Variants in LRMDA observed in about 807,000 individuals in gnomAD.
LRMDA encodes leucine-rich melanocyte differentiation-associated protein.
In LRMDA, 18 loss-of-function variants were observed where a neutral mutation model predicts 29.8. That is an observed-to-expected ratio of 0.60 (90% CI 0.42 to 0.90). The LOEUF is 0.90. Ranked by LOEUF, LRMDA falls within the 40% of genes least tolerant of loss-of-function variation. LRMDA has a pLI of 0.00. For synonymous variants in LRMDA, 125 were observed against 109.4 expected (o/e 1.14, Z -0.89); for missense variants, 273 against 273.9 (o/e 1.00, Z 0.02).
intron 2 of LRMDA, among the ~76,000 whole-genome samples, chr10:75,496,786 T>A (rs1234697433): frequency 6.6e-6 from 1 of 152,186 alleles, no homozygotes; most frequent in Non-Finnish European, 1.5e-5. Context: ...CTGAGAATCT[T>A]AACAGAGCTA....
At chr10:76,180,282 T>A (rs1041874976) in intron 5 of LRMDA, among the ~76,000 whole-genome samples, 1 of 137,180 alleles carries the variant, frequency 7.3e-6, no homozygotes, top group Non-Finnish European at 1.6e-5. Context: ...AAAAACTTTT[T>A]TTTTTTTTTT....
chr10:75,713,578 T>G (rs1842463416), intron 2 of LRMDA, among the ~76,000 whole-genome samples: 1 of 152,216 alleles, frequency 6.6e-6, no homozygotes. Context: ...AAGAATTGTT[T>G]GAAAAATGAA....
intron 2 of LRMDA, among the ~76,000 whole-genome samples, chr10:76,002,788 C>T (rs1847583211): frequency 1.3e-5 from 2 of 151,978 alleles, no homozygotes; most frequent in African/African-American, 4.8e-5. Context: ...AGTTTTTTTC[C>T]TACATTTCTG....
At chr10:76,461,844 G>A (rs1842515117) in intron 6 of LRMDA, among the ~76,000 whole-genome samples, 1 of 152,024 alleles carries the variant, frequency 6.6e-6, no homozygotes, top group South Asian at 2.1e-4. Flanking sequence ...GGAGGCCGAG[G>A]CGGGCAGGTC....
chr10:76,435,020 T>G lies in LRMDA; in HGVS notation c.601+110535T>G, dbSNP rs571954236. Among the ~76,000 whole-genome samples, 23 of 152,314 alleles carry G rather than the reference T, an allele frequency of 1.5e-4. 2 individuals carry two copies. The highest frequency in any genetic ancestry group is 4.6e-4 in the Admixed American group (7 of 15,300). Reference sequence around the variant, plus strand: ...TCATGAAACACAGCCTGGATTATCCTTCCCTCCCACCCTGCCACGTTTCTG... The same window carrying G: ...TCATGAAACACAGCCTGGATTATCCGTCCCTCCCACCCTGCCACGTTTCTG... On this transcript the variant is annotated intron_variant, in intron 6 of 6. Transcript: ENST00000611255.
intron 6 of LRMDA, among the ~76,000 whole-genome samples, chr10:76,535,038 A>G (rs1843275781): frequency 6.6e-6 from 1 of 152,168 alleles, no homozygotes; most frequent in Admixed American, 6.5e-5. Flanking sequence ...AGACTTTGCT[A>G]TGTGCCAGGC....
chr10:75,648,235 C>G (rs1841552828), intron 2 of LRMDA, among the ~76,000 whole-genome samples: 1 of 152,002 alleles, frequency 6.6e-6, no homozygotes, highest in African/African-American at 2.4e-5. Flanking sequence ...GAGAACTTGC[C>G]CTAGATCATG....
chr10:75,939,986 T>C lies in LRMDA; in HGVS notation c.132-96022T>C, dbSNP rs573328838. ...CAGACCCCCCAAATCTGGCAGAGGG[T>C]GAGCAAGAGTTTGGATGAAGAGAAC... On this transcript the variant is annotated intron_variant, in intron 2 of 6. Transcript: ENST00000611255. Among the ~76,000 whole-genome samples, 12 of 152,176 alleles carry C rather than the reference T, an allele frequency of 7.9e-5. No homozygotes were observed. The South Asian group carries it at 2.5e-3, about 32-fold the overall frequency.
intron 6 of LRMDA, among the ~76,000 whole-genome samples, chr10:76,480,361 T>G (rs1368852906): frequency 6.6e-6 from 1 of 151,968 alleles, no homozygotes; most frequent in East Asian, 1.9e-4. Context: ...GAGAATATAA[T>G]ACTGTACATG....
At chr10:75,631,041 G>C (rs1841315149) in intron 2 of LRMDA, among the ~76,000 whole-genome samples, 1 of 152,146 alleles carries the variant, frequency 6.6e-6, no homozygotes, top group South Asian at 2.1e-4. Flanking sequence ...ATCTGTGTGA[G>C]ATCTGCTCCT....
At chr10:76,545,314 GCTCT>G (rs1843407399) in intron 6 of LRMDA, among the ~76,000 whole-genome samples, 1 of 151,760 alleles carries the variant, frequency 6.6e-6, no homozygotes, top group Non-Finnish European at 1.5e-5. Context: ...TTTGATGTAA[GCTCT>G]CTAATAGGAA....
intron 2 of LRMDA, among the ~76,000 whole-genome samples, chr10:75,864,871 C>T (rs1313733238): frequency 1.3e-5 from 2 of 152,110 alleles, no homozygotes; most frequent in Non-Finnish European, 2.9e-5. Flanking sequence ...GAATTATGTA[C>T]AGCTTGCCAT....
chr10:75,970,863 G>T (rs1229055235), intron 2 of LRMDA, among the ~76,000 whole-genome samples: 2 of 152,130 alleles, frequency 1.3e-5, no homozygotes, highest in Admixed American at 1.3e-4. Flanking sequence ...AAGAAGTAGT[G>T]GTACCTTCTA....
intron 6 of LRMDA, among the ~76,000 whole-genome samples, chr10:76,517,659 G>A (rs1176321828): frequency 1.3e-5 from 2 of 151,900 alleles, no homozygotes; most frequent in East Asian, 3.9e-4. Context: ...AAGGAATCAT[G>A]AGAAAAAAAT....
intron 2 of LRMDA, among the ~76,000 whole-genome samples, chr10:75,991,301 T>G (rs2132459596): frequency 6.6e-6 from 1 of 152,292 alleles, no homozygotes; most frequent in South Asian, 2.1e-4. Context: ...AAAAATACGG[T>G]CTCAGAATAC....
chr10:75,661,104 A>T (rs765289691), intron 2 of LRMDA, among the ~76,000 whole-genome samples: 17 of 152,104 alleles, frequency 1.1e-4, no homozygotes, highest in Non-Finnish European at 1.8e-4. Context: ...AGCCAGGCGG[A>T]TCTTAATTAA....
At chr10:75,582,238 T>G (rs79005156) in intron 2 of LRMDA, among the ~76,000 whole-genome samples, 2 of 152,320 alleles carry the variant, frequency 1.3e-5, no homozygotes, top group East Asian at 3.9e-4. Context: ...CATATCCCCT[T>G]TGCACTGCCC....
At chr10:76,093,761 G>A (rs541551501) in intron 5 of LRMDA, among the ~76,000 whole-genome samples, 3 of 152,118 alleles carry the variant, frequency 2.0e-5, no homozygotes, top group South Asian at 4.2e-4. Context: ...CCAACCCAAC[G>A]CCACTCATAT....
chr10:75,507,178 G>A (rs528712666), intron 2 of LRMDA, among the ~76,000 whole-genome samples: 2 of 149,796 alleles, frequency 1.3e-5, no homozygotes, highest in African/African-American at 4.9e-5. Context: ...ATGGTGTATT[G>A]TCAGTTCCTC....
Sources: gnomAD v4.1 joint callset for allele counts (sites outside exome capture counted in the v4.1 genomes callset) on GRCh38, gnomAD v4.1.1 for gene constraint, MANE v1.5 for transcripts, NCBI Gene and HGNC (gene_info 2026-07-23, HGNC 2026-07-21) for gene names.